The following ENPP4 variants were observed in gnomAD, a reference collection of about 807,000 sequenced individuals.
The protein encoded by ENPP4 is ectonucleotide pyrophosphatase/phosphodiesterase 4, also known as bis(5'-adenosyl)-triphosphatase ENPP4.
A neutral mutation model predicts 33.4 loss-of-function variants in ENPP4; 18 were observed. That is an observed-to-expected ratio of 0.54 (90% CI 0.37 to 0.80). The LOEUF (loss-of-function observed/expected upper bound fraction) is 0.80. Among genes scored for constraint, ENPP4 ranks in the 30% least tolerant of loss-of-function variants. The pLI is 0.00. For missense variants in ENPP4, 480 were observed against 541.7 expected (o/e 0.89, Z 1.13); for synonymous variants, 172 against 189.9 (o/e 0.91, Z 0.78).
rs771398644 is a variant in ENPP4 at position 46,140,445 on chromosome 6, G to T, written c.826+36G>T. 8.5e-6 allele frequency: 11 copies of T among 1,293,874 alleles called. No individual in the cohort carries two copies. The African/African-American group carries it at 1.6e-4, about 19-fold the overall frequency. The allele number at this position is 1,293,874 out of a possible 1,614,324, so 80.1% of individuals were successfully genotyped here. ...ATTCAACTGAGGGATACTATTATTC[G>T]AATGGGGCAATTGATTGAGGGGGGT... is the stretch of plus-strand genomic sequence containing the variant. On this transcript the variant is annotated intron_variant, in intron 2 of 3. Coordinates refer to ENST00000321037, the MANE Select transcript of ENPP4 (RefSeq NM_014936.5).
chr6:46,135,223 G>A (rs1763960254), intron 1 of ENPP4, among the ~76,000 whole-genome samples: 2 of 152,030 alleles, frequency 1.3e-5, no homozygotes, highest in African/African-American at 2.4e-5. Flanking sequence ...GGGTTATATG[G>A]TAGCCCTATG....
At position 46,143,646 on chromosome 6, in the gene ENPP4, G is replaced by T; in HGVS notation, c.*6G>T. 6.2e-7 allele frequency: 1 copy of T among 1,600,694 alleles called. No homozygotes were observed. Among genetic ancestry groups the T allele is most frequent in the Non-Finnish European group, 8.5e-7 (1 of 1,172,208 alleles). ...ATGATCCTTTAATTGGGTGACATGT[G>T]CTAGGGCTTATACAAAGTGTCTTTG... On this transcript the variant is annotated 3_prime_UTR_variant, in exon 4 of 4. Transcript: ENST00000321037.
In ENPP4 at chr6:46,144,701, A is replaced by G. The variant is rs1764118788; in HGVS notation, c.*1061A>G. On this transcript the variant is annotated 3_prime_UTR_variant, in exon 4 of 4. Transcript: ENST00000321037. ...CAAATCTCAATTTGACTGGGACAGA[A>G]TGAGGAATGGAGATTTTTGTATTTA... 2.9e-6 allele frequency: 1 copy of G among 350,706 alleles called. No individual in the cohort carries two copies. The highest frequency in any genetic ancestry group is 2.1e-5 in the African/African-American group (1 of 47,508). 21.7% of individuals were successfully genotyped at this position (350,706 alleles called of 1,614,324 possible). A position where few individuals can be genotyped will look rare whatever the true frequency, so the allele number is the denominator to read the frequency against.
chr6:46,141,315 A>C, intron 3 of ENPP4, 93 bp downstream of exon 3: 1 of 857,612 alleles, frequency 1.2e-6, no homozygotes, highest in Non-Finnish European at 1.8e-6. Flanking sequence ...GATTTAAAGA[A>C]GTTCACACAG....
chr6:46,139,742 C>T lies in ENPP4; in HGVS notation c.159C>T (p.Ile53=), dbSNP rs116224700. Residue 53 remains isoleucine (I), a synonymous_variant, in exon 2 of 4, where the codon ATC becomes ATT. Transcript: ENST00000321037. ...NYEFPHLQNF[I]KEGVLVEHVK... ...AATTTCCTCATCTCCAGAATTTTAT[C>T]AAAGAAGGTGTTTTGGTAGAGCATG... The T allele has an allele frequency of 1.6e-4, 252 of 1,611,794 alleles. No individual in the cohort carries two copies. The African/African-American group carries it at 2.7e-3, about 17-fold the overall frequency.
chr6:46,133,196 G>A (rs1025500721), intron 1 of ENPP4, among the ~76,000 whole-genome samples: 8 of 152,152 alleles, frequency 5.3e-5, no homozygotes, highest in African/African-American at 1.9e-4. Flanking sequence ...AAGTGTAAGT[G>A]TTTTGAAGCT....
At chr6:46,133,800 C>A (rs1763937670) in intron 1 of ENPP4, among the ~76,000 whole-genome samples, 1 of 152,124 alleles carries the variant, frequency 6.6e-6, no homozygotes, top group Non-Finnish European at 1.5e-5. Flanking sequence ...TTGTCTGTAG[C>A]TTAACACTCC....
chr6:46,130,958 T>C (rs967579838), intron 1 of ENPP4, among the ~76,000 whole-genome samples: 1 of 152,228 alleles, frequency 6.6e-6, no homozygotes, highest in Admixed American at 6.5e-5. Flanking sequence ...CCAACTACTG[T>C]GAAATATCAA....
chr6:46,140,463 A>T (rs746257560), intron 2 of ENPP4, 54 bp downstream of exon 2: 23 of 977,838 alleles, frequency 2.4e-5, no homozygotes, highest in Non-Finnish European at 3.2e-5. Flanking sequence ...CAATTGATTG[A>T]GGGGGGTGGG....
Position 46,145,139 on chromosome 6 carries a change from A to G in ENPP4, c.*1499A>G, listed in dbSNP as rs1449625735. The G allele has an allele frequency of 1.0e-5, 4 of 382,760 alleles. No homozygotes were observed. Among genetic ancestry groups the G allele is most frequent in the Non-Finnish European group, 1.9e-5 (4 of 215,892 alleles). 23.7% of individuals were successfully genotyped at this position (382,760 alleles called of 1,614,324 possible). On this transcript the variant is annotated 3_prime_UTR_variant, in exon 4 of 4. Transcript: ENST00000321037. The stretch of plus-strand genomic sequence containing the variant: ...TAAACTTGGTAACTGTTTTACAAAT[A>G]TAAAAGTATAATAAATATGCAGCCC...
intron 1 of ENPP4, among the ~76,000 whole-genome samples, chr6:46,133,040 GA>G (rs1203362828): frequency 6.6e-6 from 1 of 152,094 alleles, no homozygotes; most frequent in African/African-American, 2.4e-5. Context: ...TCAGCTTAAG[GA>G]GATTCTGGGC....
chr6:46,132,630 C>T (rs554912014), intron 1 of ENPP4, among the ~76,000 whole-genome samples: 7 of 152,162 alleles, frequency 4.6e-5, no homozygotes, highest in East Asian at 1.9e-4. Flanking sequence ...ATTGACTTGG[C>T]GATGCGGGCT....
chr6:46,130,979 C>G (rs1040625497), intron 1 of ENPP4, among the ~76,000 whole-genome samples: 2 of 152,162 alleles, frequency 1.3e-5, no homozygotes, highest in African/African-American at 4.8e-5. Flanking sequence ...CTGCTGGTTT[C>G]AGTATTATGA....
rs893507335 is a variant in ENPP4, at chr6:46,146,267, A to G, written c.*2627A>G. 6.6e-6 allele frequency: 1 copy of G among 152,328 alleles called. No homozygotes were observed. Among genetic ancestry groups the G allele is most frequent in the Non-Finnish European group, 1.5e-5 (1 of 67,824 alleles). 9.4% of individuals were successfully genotyped at this position (152,328 alleles called of 1,614,324 possible). On this transcript the variant is annotated 3_prime_UTR_variant, in exon 4 of 4. Transcript: ENST00000321037. ...TTCAATGTTTGTGTATAGGTTTTAT[A>G]TTATTATTCCACTAGGAATGGCATA... is the stretch of plus-strand genomic sequence containing the variant.
rs1764106605 is a variant in ENPP4, at chr6:46,143,877, A to T, written c.*237A>T. On this transcript the variant is annotated 3_prime_UTR_variant, in exon 4 of 4. Transcript: ENST00000321037. ...ATTAGGTAACATCTTGTGGTAGGAA[A>T]TCATTAGGTAACATCAATCCTAACT... 1 of 402,740 alleles carries T rather than the reference A, an allele frequency of 2.5e-6. No individual in the cohort carries two copies. The highest frequency in any genetic ancestry group is 5.0e-5 in the South Asian group (1 of 20,100). The allele number at this position is 402,740 out of a possible 1,614,324, so 24.9% of individuals were successfully genotyped here.
intron 1 of ENPP4, among the ~76,000 whole-genome samples, chr6:46,131,778 T>G (rs1158433315): frequency 6.6e-6 from 1 of 152,046 alleles, no homozygotes; most frequent in Admixed American, 6.5e-5. Flanking sequence ...CCACCAACAG[T>G]GTAAAAGTGT....
chr6:46,140,453 C>A (rs1764042450), intron 2 of ENPP4, 44 bp downstream of exon 2: 28 of 1,106,730 alleles, frequency 2.5e-5, no homozygotes, highest in Non-Finnish European at 3.5e-5. Flanking sequence ...TCGAATGGGG[C>A]AATTGATTGA....
chr6:46,139,664 G>A lies in ENPP4; in HGVS notation c.81G>A (p.Lys27=), dbSNP rs751299584. Residue 27 remains lysine, a synonymous_variant, in exon 2 of 4, where the codon AAG becomes AAA. Coordinates refer to ENST00000321037, the MANE Select transcript of ENPP4 (RefSeq NM_014936.5). The part of the protein sequence containing the change: ...RSDSSSSLPP[K]LLLVSFDGFR... ...ACTCTTCCTCTAGTTTGCCACCTAA[G>A]TTACTACTAGTATCCTTTGATGGCT... 5.0e-6 allele frequency: 8 copies of A among 1,611,194 alleles called. No homozygotes were observed. The Admixed American group carries it at 5.0e-5, about 10-fold the overall frequency.
rs1764093172 is a variant in ENPP4, at chr6:46,143,174, T to A, written c.998-102T>A. 4.3e-6 allele frequency: 5 copies of A among 1,160,574 alleles called. No homozygotes were observed. The African/African-American group carries it at 7.7e-5, about 18-fold the overall frequency. The allele number at this position is 1,160,574 out of a possible 1,614,324, so 71.9% of individuals were successfully genotyped here. A position where few individuals can be genotyped will look rare whatever the true frequency, so the allele number is the denominator to read the frequency against. On this transcript the variant is annotated intron_variant, in intron 3 of 3. Transcript: ENST00000321037. ...TTGAAGAAATAGAAATTTTTATTTCTAGTCCCTTTCTGAAAGAATTGAATG... is the reference window on the plus strand; with the variant it reads ...TTGAAGAAATAGAAATTTTTATTTCAAGTCCCTTTCTGAAAGAATTGAATG...
Sources: gnomAD v4.1 joint callset for allele counts (sites outside exome capture counted in the v4.1 genomes callset) on GRCh38, gnomAD v4.1.1 for gene constraint, MANE v1.5 for transcripts, NCBI Gene and HGNC (gene_info 2026-07-23, HGNC 2026-07-21) for gene names.